The following NXN variants were observed in gnomAD, a reference collection of about 807,000 sequenced individuals.
NXN encodes the protein nucleoredoxin, also known as nucleoredoxin 1.
In NXN, 16 loss-of-function variants were observed where a neutral mutation model predicts 48.6. The observed-to-expected ratio is 0.33, with a 90% CI of 0.22 to 0.50. The LOEUF (loss-of-function observed/expected upper bound fraction) is 0.50. Among genes scored for constraint, NXN ranks in the 20% least tolerant of loss-of-function variants. The pLI is 0.98. For synonymous variants in NXN, 281 were observed against 269.6 expected, an observed-to-expected ratio of 1.04 and a Z score of -0.41; for missense variants, 492 against 605.5, an observed-to-expected ratio of 0.81 and a Z score of 1.97.
At chr17:809,089 G>A (rs1000088141) in intron 5 of NXN, among the ~76,000 whole-genome samples, 1 of 152,212 alleles carries the variant, frequency 6.6e-6, no homozygotes, top group African/African-American at 2.4e-5. Flanking sequence ...GTGATGGGCT[G>A]GAAGAAGTTA....
chr17:807,015 T>C (rs1002564119), intron 5 of NXN, among the ~76,000 whole-genome samples: 1 of 152,198 alleles, frequency 6.6e-6, no homozygotes, highest in Non-Finnish European at 1.5e-5. Context: ...GCGTGGACAG[T>C]GCCCGAGGAG....
At chr17:852,227 G>T (rs547676266) in intron 1 of NXN, among the ~76,000 whole-genome samples, 23 of 152,192 alleles carry the variant, frequency 1.5e-4, no homozygotes, top group Non-Finnish European at 2.6e-4. Flanking sequence ...GGGGCATCCG[G>T]ATGACACCTC....
chr17:867,146 C>T (rs1430551317), intron 1 of NXN, among the ~76,000 whole-genome samples: 1 of 32,050 alleles, frequency 3.1e-5, no homozygotes, highest in African/African-American at 1.6e-4. Flanking sequence ...AGCAAGTTCT[C>T]GGGGTTCTCC....
chr17:810,963 T>C (rs1911962063), intron 5 of NXN, among the ~76,000 whole-genome samples: 1 of 152,114 alleles, frequency 6.6e-6, no homozygotes, highest in East Asian at 1.9e-4. Flanking sequence ...CAGCCCCTCT[T>C]CTGGTTGAAA....
intron 1 of NXN, among the ~76,000 whole-genome samples, chr17:855,661 C>A (rs78251826): frequency 0.11 from 16,195 of 152,206 alleles, 944 homozygotes; most frequent in Middle Eastern, 0.23. Context: ...TTCTGGCAGC[C>A]AGATACCCAC....
intron 1 of NXN, among the ~76,000 whole-genome samples, chr17:837,950 T>C (rs1397345904): frequency 2.0e-5 from 3 of 152,106 alleles, no homozygotes; most frequent in Non-Finnish European, 4.4e-5. Flanking sequence ...CAAAACAACA[T>C]GTCCACTCTG....
At position 825,695 on chromosome 17, in the gene NXN, C is replaced by T. The variant is rs551077660; in HGVS notation, c.478+266G>A. On this transcript the variant is annotated intron_variant, in intron 2 of 7. Transcript: ENST00000336868. This position sits in a 1 kb window ranked among gnomAD's most constrained non-coding sequence, Gnocchi z 4.1. ...CTTTCCCACAGCCTCTGCGGCCCTC[C>T]AAGCGGAGCTTCTTACGGCAGAGTC... 8.5e-4 allele frequency: 315 copies of T among 370,564 alleles called. No homozygotes were observed. The highest frequency in any genetic ancestry group is 5.6e-3 in the African/African-American group (265 of 47,046). 23.0% of individuals were successfully genotyped at this position (370,564 alleles called of 1,614,324 possible). A position where few individuals can be genotyped will look rare whatever the true frequency, so the allele number is the denominator to read the frequency against.
At position 825,652 on chromosome 17, in the gene NXN, C is replaced by T. The variant is rs1195553465; in HGVS notation, c.478+309G>A. On this transcript the variant is annotated intron_variant, in intron 2 of 7. Coordinates refer to ENST00000336868, the MANE Select transcript of NXN (RefSeq NM_022463.5). This position sits in a 1 kb window ranked among gnomAD's most constrained non-coding sequence, Gnocchi z 4.1. ...CCGCCACGGATGCAGCACTAGAGGCCGGGGTCTGAGCTCTCCGCTTTCCCA... is the reference window on the plus strand; with the variant it reads ...CCGCCACGGATGCAGCACTAGAGGCTGGGGTCTGAGCTCTCCGCTTTCCCA... 3.6e-6 allele frequency: 1 copy of T among 274,934 alleles called. No individual in the cohort carries two copies. The highest frequency in any genetic ancestry group is 2.2e-5 in the African/African-American group (1 of 44,548). 17.0% of individuals were successfully genotyped at this position (274,934 alleles called of 1,614,324 possible).
At chr17:835,764 C>G (rs1027948968) in intron 1 of NXN, among the ~76,000 whole-genome samples, 4 of 69,652 alleles carry the variant, frequency 5.7e-5, no homozygotes, top group African/African-American at 2.8e-4. Context: ...CCACAGAGGC[C>G]GCAGGGGAAA....
chr17:929,126 G>A (rs917796326), intron 1 of NXN, among the ~76,000 whole-genome samples: 1 of 152,208 alleles, frequency 6.6e-6, no homozygotes, highest in Non-Finnish European at 1.5e-5. Flanking sequence ...TAAAAACCCA[G>A]TTTGTTAGCT....
intron 1 of NXN, among the ~76,000 whole-genome samples, chr17:835,265 G>A (rs1002711121): frequency 6.0e-5 from 9 of 148,824 alleles, no homozygotes; most frequent in South Asian, 4.3e-4. Context: ...CTGAGATCGT[G>A]CCACTGCACT....
chr17:832,717 G>A (rs1247983723), intron 1 of NXN, among the ~76,000 whole-genome samples: 1 of 152,084 alleles, frequency 6.6e-6, no homozygotes, highest in African/African-American at 2.4e-5. Flanking sequence ...GTAAGAAACT[G>A]TAACCTGCAT....
rs149849343 is a variant in NXN, at chr17:970,538, T to TC, written c.360+8780dup. ...GCCTTCCAAGCAACCAGCGAATGTT[T>TC]CAAGCCGTTCAACTACCTCTGTCTT... On this transcript the variant is annotated intron_variant, in intron 1 of 7. Coordinates refer to ENST00000336868, the MANE Select transcript of NXN (RefSeq NM_022463.5). 4.8e-3 allele frequency among the ~76,000 whole-genome samples: 734 copies of TC among 152,324 alleles called. 3 individuals carry two copies. Among genetic ancestry groups the TC allele is most frequent in the Non-Finnish European group, 8.0e-3 (541 of 68,028 alleles).
At position 812,635 on chromosome 17, in the gene NXN, T is replaced by A. The variant is rs558656404; in HGVS notation, c.820+6804A>T. Among the ~76,000 whole-genome samples, 5 of 141,568 alleles carry A rather than the reference T, an allele frequency of 3.5e-5. No individual in the cohort carries two copies. The East Asian group carries it at 5.8e-4, about 17-fold the overall frequency. The allele number at this position is 141,568 out of a possible 152,430, so 92.9% of individuals were successfully genotyped here. A position where few individuals can be genotyped will look rare whatever the true frequency, so the allele number is the denominator to read the frequency against. ...GTGTGAGTGTAGGTGAGTGTAGGTG[T>A]GTGTGAGTGTGCATGTGTGTGACTG... On this transcript the variant is annotated intron_variant, in intron 5 of 7. Coordinates refer to ENST00000336868, the MANE Select transcript of NXN (RefSeq NM_022463.5).
chr17:891,379 T>A (rs1040883834), intron 1 of NXN, among the ~76,000 whole-genome samples: 6 of 152,250 alleles, frequency 3.9e-5, no homozygotes, highest in Non-Finnish European at 7.3e-5. Context: ...AAATCTCTCA[T>A]GTTTATAAGA....
chr17:808,501 G>A (rs1193448056), intron 5 of NXN, among the ~76,000 whole-genome samples: 1 of 151,926 alleles, frequency 6.6e-6, no homozygotes, highest in Non-Finnish European at 1.5e-5. Context: ...CCCCATGTTG[G>A]CCAGGATGGT....
intron 1 of NXN, among the ~76,000 whole-genome samples, chr17:893,614 T>A (rs1287470415): frequency 3.5e-4 from 40 of 114,712 alleles, no homozygotes; most frequent in Middle Eastern, 6.0e-3. Context: ...AGAGGAAGCA[T>A]CTCAATGCCC....
intron 5 of NXN, among the ~76,000 whole-genome samples, chr17:816,827 T>C (rs1912494747): frequency 6.6e-6 from 1 of 151,974 alleles, no homozygotes; most frequent in African/African-American, 2.4e-5. Context: ...CCCCACACAG[T>C]GGTAATTCAG....
intron 1 of NXN, among the ~76,000 whole-genome samples, chr17:877,225 G>A (rs1290525283): frequency 1.3e-5 from 2 of 151,546 alleles, no homozygotes; most frequent in East Asian, 2.0e-4. Context: ...TCGGCTCACT[G>A]CAAGCTCCGC....
Sources: gnomAD v4.1 joint callset for allele counts (sites outside exome capture counted in the v4.1 genomes callset) on GRCh38, gnomAD v4.1.1 for gene constraint, Gnocchi (gnomAD v3.1) non-coding constraint, MANE v1.5 for transcripts, NCBI Gene and HGNC (gene_info 2026-07-23, HGNC 2026-07-21) for gene names.